YEATS2: variants seen among roughly 807,000 people sequenced by gnomAD.
The protein encoded by YEATS2 is YEATS domain-containing protein 2.
YEATS2 carries 77 observed loss-of-function variants against 163.2 expected under a neutral mutation model. That is an observed-to-expected ratio of 0.47 (90% CI 0.39 to 0.57). The LOEUF (loss-of-function observed/expected upper bound fraction) is 0.57. YEATS2 is among the 20% of genes least tolerant of loss of function. The probability of loss-of-function intolerance (pLI) is 0.00; values close to 1 mark genes in which losing one functional copy is unlikely to be tolerated. For missense variants in YEATS2, 1,549 were observed against 1,729.8 expected (o/e 0.90, Z 1.85); for synonymous variants, 631 against 645.1 (o/e 0.98, Z 0.33).
chr3:183,747,255 C>T (rs1362943016), intron 8 of YEATS2, among the ~76,000 whole-genome samples: 1 of 152,076 alleles, frequency 6.6e-6, no homozygotes, highest in East Asian at 1.9e-4. Flanking sequence ...TTTAAAATAT[C>T]TGTACACAGT....
At chr3:183,734,351 G>T (rs369017885) in intron 7 of YEATS2, among the ~76,000 whole-genome samples, 16 of 152,270 alleles carry the variant, frequency 1.1e-4, no homozygotes, top group African/African-American at 3.6e-4. Flanking sequence ...CTTATTTGCT[G>T]TGTGACCTTG....
At chr3:183,722,306 T>TTTTTTTG (rs1716596563) in intron 5 of YEATS2, among the ~76,000 whole-genome samples, 170 bp downstream of exon 5, 1 of 92,238 alleles carries the variant, frequency 1.1e-5, no homozygotes, top group African/African-American at 3.7e-5. Context: ...TTTTTTTTTT[T>TTTTTTTG]GAGACAGAGT....
chr3:183,721,776 T>A (rs1716513057), intron 4 of YEATS2, 115 bp from the exon 5 acceptor site: 2 of 1,390,844 alleles, frequency 1.4e-6, no homozygotes, highest in African/African-American at 2.9e-5. Flanking sequence ...GTGGGGAGAT[T>A]TTGAAAGATT....
chr3:183,717,083 G>A (rs907608516), intron 2 of YEATS2, among the ~76,000 whole-genome samples: 2 of 151,962 alleles, frequency 1.3e-5, no homozygotes, highest in Non-Finnish European at 2.9e-5. Flanking sequence ...GGTAGAGACG[G>A]GGTTTCACCA....
chr3:183,723,684 G>T (rs770524030), intron 5 of YEATS2, among the ~76,000 whole-genome samples: 1 of 152,130 alleles, frequency 6.6e-6, no homozygotes, highest in Non-Finnish European at 1.5e-5. Context: ...GAGCCCAAGT[G>T]GGGGATCACC....
intron 27 of YEATS2, among the ~76,000 whole-genome samples, chr3:183,805,499 G>A (rs1003637331): frequency 6.6e-6 from 1 of 151,950 alleles, no homozygotes; most frequent in Non-Finnish European, 1.5e-5. Flanking sequence ...GAGCACAGAG[G>A]TGGGGTTACT....
At chr3:183,746,069 G>A (rs59871882) in intron 8 of YEATS2, among the ~76,000 whole-genome samples, 3,620 of 151,988 alleles carry the variant, frequency 0.024, 149 homozygotes, top group African/African-American at 0.083. Flanking sequence ...TTGTTCGTTC[G>A]TTTGTTTTTT....
chr3:183,769,637 A>G (rs1553875372), intron 15 of YEATS2, among the ~76,000 whole-genome samples: 1 of 152,206 alleles, frequency 6.6e-6, no homozygotes, highest in Non-Finnish European at 1.5e-5. Flanking sequence ...CGAAACCTGC[A>G]CTGTTTCCTC....
rs74496163 is a variant in YEATS2 at position 183,790,926 on chromosome 3, G to A, written c.3043G>A (p.Ala1015Thr). The A allele has an allele frequency of 8.1e-3, 13,121 of 1,614,166 alleles. 561 individuals carry two copies. The East Asian group carries it at 0.14, about 17-fold the overall frequency. Residue 1015 changes from alanine to threonine, a missense_variant, in exon 21 of 31, where the codon GCC (alanine) becomes ACC (threonine). By Grantham distance (58) the Ala-to-Thr change is moderately conservative. Coordinates refer to ENST00000305135, the MANE Select transcript of YEATS2 (RefSeq NM_018023.5). The stretch of plus-strand genomic sequence containing the variant: ...GGCTGCCACCCCCACCGTCGTCAGC[G>A]CCACGTCCCTCGTGCCTACACCAAA... ...CKAATPTVVS[A>T]TSLVPTPNPI...
At chr3:183,738,388 GTTCTTT>G (rs1266183885) in intron 8 of YEATS2, among the ~76,000 whole-genome samples, 3 of 113,912 alleles carry the variant, frequency 2.6e-5, no homozygotes, top group Admixed American at 8.6e-5. Flanking sequence ...CAAAGGAAAA[GTTCTTT>G]TTTTTTTTTT....
chr3:183,752,726 T>A (rs970055027), intron 10 of YEATS2, among the ~76,000 whole-genome samples: 1 of 148,538 alleles, frequency 6.7e-6, no homozygotes, highest in African/African-American at 2.5e-5. Context: ...AAAAAAAAAA[T>A]TTCCATGAAG....
At chr3:183,777,801 C>T in intron 19 of YEATS2, 101 bp downstream of exon 19, 8 of 1,434,686 alleles carry the variant, frequency 5.6e-6, no homozygotes, top group Non-Finnish European at 7.5e-6. Flanking sequence ...ATTAAGGTTA[C>T]ATAAGAAAAT....
At chr3:183,761,451 A>G in intron 13 of YEATS2, 56 bp from the exon 14 acceptor site, 1 of 1,414,214 alleles carries the variant, frequency 7.1e-7, no homozygotes, top group Non-Finnish European at 1.0e-6. Context: ...AAGTGACTAG[A>G]TATCTGAAAT....
chr3:183,721,923 T>A lies in YEATS2; in HGVS notation c.324T>A (p.Asn108Lys). 1.2e-6 allele frequency: 2 copies of A among 1,614,170 alleles called. No individual in the cohort carries two copies. Among genetic ancestry groups the A allele is most frequent in the Non-Finnish European group, 1.7e-6 (2 of 1,180,030 alleles). ...AGACATGTGATACAATGGTTTTTAA[T>A]CATCCTGCTATCAAGAAATTTTTGG... is the stretch of plus-strand genomic sequence containing the variant. Reference protein sequence around the residue: ...GSKTCDTMVFNHPAIKKFLES... With the variant: ...GSKTCDTMVFKHPAIKKFLES... The change falls in exon 5 of 31, where the codon AAT becomes AAA. Residue 108 changes from asparagine to lysine, a missense_variant. Asn to Lys is a moderately conservative substitution (Grantham distance 94). Coordinates refer to ENST00000305135, the MANE Select transcript of YEATS2 (RefSeq NM_018023.5).
At chr3:183,704,758 A>G (rs1471554327) in intron 1 of YEATS2, among the ~76,000 whole-genome samples, 2 of 151,862 alleles carry the variant, frequency 1.3e-5, no homozygotes, top group African/African-American at 2.4e-5. Context: ...CCTCCCAAGT[A>G]GCTGGGATTA....
At chr3:183,745,502 G>A (rs966504218) in intron 8 of YEATS2, among the ~76,000 whole-genome samples, 18 of 152,086 alleles carry the variant, frequency 1.2e-4, no homozygotes, top group African/African-American at 4.3e-4. Context: ...TCAGATGCTT[G>A]TCTGAATTCT....
At chr3:183,781,629 A>G (rs1409931874) in intron 19 of YEATS2, among the ~76,000 whole-genome samples, 1 of 152,194 alleles carries the variant, frequency 6.6e-6, no homozygotes, top group East Asian at 1.9e-4. Flanking sequence ...AGAAAATTCA[A>G]AGCTTTAAAT....
intron 25 of YEATS2, 91 bp downstream of exon 25, chr3:183,801,619 T>C: frequency 1.0e-6 from 1 of 981,792 alleles, no homozygotes; most frequent in South Asian, 1.7e-5. Context: ...GATTGTAAAT[T>C]AATATTGATA....
chr3:183,742,824 G>C (rs1719118830), intron 8 of YEATS2, among the ~76,000 whole-genome samples: 1 of 152,212 alleles, frequency 6.6e-6, no homozygotes, highest in Non-Finnish European at 1.5e-5. Flanking sequence ...CGAGGCAGCA[G>C]AATTCATTGT....
Sources: allele counts gnomAD v4.1 joint callset (sites outside exome capture counted in the v4.1 genomes callset), GRCh38; gene constraint gnomAD v4.1.1; transcripts MANE v1.5; gene names NCBI Gene and HGNC (gene_info 2026-07-23, HGNC 2026-07-21).